The following NXPH2 variants were observed in gnomAD, a reference collection of about 807,000 sequenced individuals.
The protein encoded by NXPH2 is neurexophilin-2.
NXPH2 carries 5 observed loss-of-function variants against 19.8 expected under a neutral mutation model. The ratio of observed to expected loss-of-function variants is 0.25; its 90% CI spans 0.13 to 0.53. NXPH2 has a LOEUF of 0.53. Among genes scored for constraint, NXPH2 ranks in the 20% least tolerant of loss-of-function variants. The probability of loss-of-function intolerance (pLI) is 0.96; values close to 1 mark genes in which losing one functional copy is unlikely to be tolerated. For synonymous variants in NXPH2, 154 were observed against 127.4 expected, an observed-to-expected ratio of 1.21 and a Z score of -1.41; for missense variants, 289 against 322.8, an observed-to-expected ratio of 0.90 and a Z score of 0.80.
intron 1 of NXPH2, among the ~76,000 whole-genome samples, chr2:138,693,592 T>G (rs566772789): frequency 1.4e-4 from 22 of 152,214 alleles, no homozygotes; most frequent in African/African-American, 5.3e-4. Context: ...TGATTTTTTT[T>G]TTTCATCAAA....
intron 1 of NXPH2, among the ~76,000 whole-genome samples, chr2:138,710,787 G>A (rs1681093512): frequency 1.3e-5 from 2 of 151,842 alleles, no homozygotes; most frequent in Non-Finnish European, 2.9e-5. Flanking sequence ...TGATTCACTC[G>A]CCGTCTGTTT....
At chr2:138,775,272 C>T (rs991241270) in intron 1 of NXPH2, among the ~76,000 whole-genome samples, 1 of 152,076 alleles carries the variant, frequency 6.6e-6, no homozygotes, top group Admixed American at 6.5e-5. Context: ...GAACCAAACA[C>T]TTGTTTGAGA....
intron 1 of NXPH2, among the ~76,000 whole-genome samples, chr2:138,687,806 T>C (rs1680684016): frequency 6.6e-6 from 1 of 152,196 alleles, no homozygotes; most frequent in South Asian, 2.1e-4. Flanking sequence ...ATCCTTTCCT[T>C]ATTTCTTGTT....
At chr2:138,712,443 G>T (rs568080841) in intron 1 of NXPH2, among the ~76,000 whole-genome samples, 1 of 152,214 alleles carries the variant, frequency 6.6e-6, no homozygotes, top group East Asian at 1.9e-4. Flanking sequence ...GTCCTCTCTG[G>T]GTTGACCACA....
chr2:138,671,561 G>A lies in NXPH2; in HGVS notation c.156C>T (p.Ile52=), dbSNP rs1680416231. 6.2e-7 allele frequency: 1 copy of A among 1,613,950 alleles called. No individual in the cohort carries two copies. Among genetic ancestry groups the A allele is most frequent in the Admixed American group, 1.7e-5 (1 of 60,018 alleles). ...TLVGNVVHSR[I]ISPLRLFVKQ... is the part of the protein sequence containing the mutation. Reference sequence around the variant, plus strand: ...TAACAAACAGGCGCAGGGGACTGATGATCCTTGAGTGCACCACGTTGCCGA... The same window carrying A: ...TAACAAACAGGCGCAGGGGACTGATAATCCTTGAGTGCACCACGTTGCCGA... Residue 52 remains isoleucine, a synonymous_variant, in exon 2 of 2, where the codon ATC becomes ATT. Transcript: ENST00000272641.
chr2:138,757,634 C>T (rs1257244146), intron 1 of NXPH2, among the ~76,000 whole-genome samples: 1 of 152,104 alleles, frequency 6.6e-6, no homozygotes, highest in Non-Finnish European at 1.5e-5. Flanking sequence ...GCATGAGACA[C>T]AGAGAAAACA....
intron 1 of NXPH2, among the ~76,000 whole-genome samples, chr2:138,735,230 A>C (rs1681520635): frequency 6.6e-6 from 1 of 152,104 alleles, no homozygotes. Context: ...GGAGTTTTAT[A>C]GTTGGTATTC....
intron 1 of NXPH2, among the ~76,000 whole-genome samples, chr2:138,713,597 C>CTGTGTGTG (rs113220668): frequency 6.0e-5 from 9 of 149,518 alleles, no homozygotes; most frequent in African/African-American, 2.2e-4. Context: ...AGAAAACGTT[C>CTGTGTGTG]TGTGTGTGTG....
chr2:138,777,028 T>A (rs1432126128), intron 1 of NXPH2, among the ~76,000 whole-genome samples: 1 of 151,348 alleles, frequency 6.6e-6, no homozygotes, highest in Admixed American at 6.5e-5. Flanking sequence ...ACTGATTTTT[T>A]AAATCAGCCC....
At chr2:138,756,036 C>A (rs1681904049) in intron 1 of NXPH2, among the ~76,000 whole-genome samples, 1 of 151,952 alleles carries the variant, frequency 6.6e-6, no homozygotes, top group Admixed American at 6.6e-5. Flanking sequence ...CCTTGCCATA[C>A]TCACTTATTC....
chr2:138,752,000 A>G (rs766365107), intron 1 of NXPH2, among the ~76,000 whole-genome samples: 17 of 152,318 alleles, frequency 1.1e-4, no homozygotes, highest in African/African-American at 1.7e-4. Context: ...TCAAAAATAC[A>G]TTGAACTATG....
intron 1 of NXPH2, among the ~76,000 whole-genome samples, chr2:138,742,178 A>T (rs1681654573): frequency 6.6e-6 from 1 of 152,132 alleles, no homozygotes; most frequent in Non-Finnish European, 1.5e-5. Flanking sequence ...AAAGCTCCAG[A>T]TCTGGGGTGT....
chr2:138,689,797 G>A (rs1680718849), intron 1 of NXPH2, among the ~76,000 whole-genome samples: 1 of 152,184 alleles, frequency 6.6e-6, no homozygotes, highest in African/African-American at 2.4e-5. Flanking sequence ...TATGTACAGA[G>A]AAATATCAAG....
At chr2:138,687,772 C>T (rs1306076930) in intron 1 of NXPH2, among the ~76,000 whole-genome samples, 1 of 152,076 alleles carries the variant, frequency 6.6e-6, no homozygotes, top group African/African-American at 2.4e-5. Flanking sequence ...GCCAGTTTTC[C>T]CAGCACCATT....
At chr2:138,742,892 G>C (rs1681666597) in intron 1 of NXPH2, among the ~76,000 whole-genome samples, 1 of 152,122 alleles carries the variant, frequency 6.6e-6, no homozygotes, top group Non-Finnish European at 1.5e-5. Flanking sequence ...ATATAGTCGT[G>C]ATTAAAAATA....
intron 1 of NXPH2, among the ~76,000 whole-genome samples, chr2:138,725,163 T>C (rs1681339306): frequency 6.6e-6 from 1 of 152,264 alleles, no homozygotes; most frequent in Admixed American, 6.5e-5. Context: ...CAGTTAGTTA[T>C]TGGAATACTT....
intron 1 of NXPH2, among the ~76,000 whole-genome samples, chr2:138,768,538 T>C (rs1404799621): frequency 6.6e-6 from 1 of 152,202 alleles, no homozygotes; most frequent in Non-Finnish European, 1.5e-5. Context: ...AAGCAAGGAT[T>C]GTAGAGACAG....
intron 1 of NXPH2, among the ~76,000 whole-genome samples, chr2:138,732,453 T>G (rs979236803): frequency 6.6e-6 from 1 of 152,126 alleles, no homozygotes; most frequent in African/African-American, 2.4e-5. Flanking sequence ...AAGGAGGGGA[T>G]TCTTTTCAGG....
chr2:138,724,145 T>C (rs1046290187), intron 1 of NXPH2, among the ~76,000 whole-genome samples: 17 of 152,188 alleles, frequency 1.1e-4, no homozygotes, highest in African/African-American at 4.1e-4. Context: ...TATGTGTCCA[T>C]GTGTTCTCAT....
Sources: gnomAD v4.1 joint callset for allele counts (sites outside exome capture counted in the v4.1 genomes callset) on GRCh38, gnomAD v4.1.1 for gene constraint, MANE v1.5 for transcripts, NCBI Gene and HGNC (gene_info 2026-07-23, HGNC 2026-07-21) for gene names.